Variants in DPYSL3 observed in about 807,000 individuals in gnomAD.
The protein encoded by DPYSL3 is dihydropyrimidinase-related protein 3.
In DPYSL3, 16 loss-of-function variants were observed where a neutral mutation model predicts 66.1. The observed-to-expected ratio is 0.24, with a 90% CI of 0.16 to 0.37. The LOEUF (loss-of-function observed/expected upper bound fraction) is 0.37. DPYSL3 is among the 10% of genes least tolerant of loss of function. DPYSL3 has a pLI of 1.00. For missense variants in DPYSL3, 738 were observed against 916.2 expected (o/e 0.81, Z 2.51); for synonymous variants, 338 against 345.1 (o/e 0.98, Z 0.23).
intron 1 of DPYSL3, among the ~76,000 whole-genome samples, chr5:147,494,907 TAA>T (rs1753477068): frequency 1.3e-5 from 2 of 149,354 alleles, no homozygotes; most frequent in Non-Finnish European, 3.0e-5. Context: ...ATAATAATAA[TAA>T]TAGAATATTA....
chr5:147,499,710 A>G (rs1235909792), intron 1 of DPYSL3, among the ~76,000 whole-genome samples: 1 of 152,214 alleles, frequency 6.6e-6, no homozygotes, highest in Non-Finnish European at 1.5e-5. Context: ...AACTGATTCT[A>G]AACGTCATAT....
chr5:147,435,492 T>C (rs1427126937), intron 1 of DPYSL3, among the ~76,000 whole-genome samples: 2 of 152,192 alleles, frequency 1.3e-5, no homozygotes, highest in East Asian at 1.9e-4. Flanking sequence ...AATGCATCTC[T>C]ATAAGAGATT....
At chr5:147,432,633 A>T (rs1309948859) in intron 1 of DPYSL3, among the ~76,000 whole-genome samples, 3 of 152,222 alleles carry the variant, frequency 2.0e-5, no homozygotes, top group Non-Finnish European at 4.4e-5. Flanking sequence ...GCACTGGACA[A>T]GAGGAGCCCT....
At chr5:147,479,580 A>G (rs531350739) in intron 1 of DPYSL3, among the ~76,000 whole-genome samples, 2 of 152,372 alleles carry the variant, frequency 1.3e-5, no homozygotes, top group Non-Finnish European at 2.9e-5. Flanking sequence ...CAGAGCAACC[A>G]CAGAGCCAAT....
At chr5:147,465,732 C>T (rs1190038084) in intron 1 of DPYSL3, among the ~76,000 whole-genome samples, 12 of 152,208 alleles carry the variant, frequency 7.9e-5, no homozygotes, top group Non-Finnish European at 1.8e-4. Context: ...ACCCAGAGGC[C>T]TGGCCTTCTA....
chr5:147,393,038 A>G lies in DPYSL3; in HGVS notation c.*997T>C, dbSNP rs748222574. On this transcript the variant is annotated 3_prime_UTR_variant, in exon 14 of 14. Transcript: ENST00000343218. ...AAACTGCCTGTAAGAGAGGCCCTTC[A>G]TTCTGCCTCATCTGAGCTAAAATCC... 4 of 152,212 alleles carry G rather than the reference A, an allele frequency of 2.6e-5. No homozygotes were observed. The highest frequency in any genetic ancestry group is 4.4e-5 in the Non-Finnish European group (3 of 68,044). 9.4% of individuals were successfully genotyped at this position (152,212 alleles called of 1,614,324 possible).
Position 147,399,218 on chromosome 5 carries a change from G to A in DPYSL3, c.1487C>T (p.Ala496Val), listed in dbSNP as rs1339911001. 9 of 1,614,134 alleles carry A rather than the reference G, an allele frequency of 5.6e-6. No individual in the cohort carries two copies. Among genetic ancestry groups the A allele is most frequent in the Non-Finnish European group, 7.6e-6 (9 of 1,180,016 alleles). Reference sequence around the variant, plus strand: ...CTTGGCAGCGTTTGTGCTTGTCACAGCCACGAACTGGTTTTCGTCCATTTT... The same window carrying A: ...CTTGGCAGCGTTTGTGCTTGTCACAACCACGAACTGGTTTTCGTCCATTTT... ...TGKMDENQFVAVTSTNAAKIF... is the reference protein window; with the variant it reads ...TGKMDENQFVVVTSTNAAKIF... Residue 496 changes from alanine to valine, a missense_variant, in exon 11 of 14, where the codon GCT (alanine) becomes GTT (valine). Coordinates refer to ENST00000343218, the MANE Select transcript of DPYSL3 (RefSeq NM_001197294.2).
intron 2 of DPYSL3, 31 bp from the exon 3 acceptor site, chr5:147,418,662 A>G: frequency 6.4e-7 from 1 of 1,551,560 alleles, no homozygotes; most frequent in Non-Finnish European, 8.7e-7. Context: ...AAAAATGATC[A>G]AACACTTGGT....
chr5:147,441,367 C>T (rs1229253403), intron 1 of DPYSL3, among the ~76,000 whole-genome samples: 1 of 151,886 alleles, frequency 6.6e-6, no homozygotes, highest in Non-Finnish European at 1.5e-5. Context: ...CTCACATGGT[C>T]TTCCCTCTGT....
intron 1 of DPYSL3, among the ~76,000 whole-genome samples, chr5:147,468,129 T>G (rs1221922526): frequency 1.3e-5 from 2 of 152,186 alleles, no homozygotes. Context: ...TTATAATGCA[T>G]AAAAAGGTGC....
At chr5:147,473,205 A>G (rs1044152884) in intron 1 of DPYSL3, 1 of 152,192 alleles carries the variant, frequency 6.6e-6, no homozygotes, top group African/African-American at 2.4e-5. Context: ...CTTTTTTCAC[A>G]TCAATGTGAG....
chr5:147,504,257 G>A (rs1753654513), intron 1 of DPYSL3, among the ~76,000 whole-genome samples: 1 of 152,198 alleles, frequency 6.6e-6, no homozygotes, highest in Non-Finnish European at 1.5e-5. Flanking sequence ...GCAAAACCCT[G>A]TCTCCAGGGA....
chr5:147,464,981 T>C (rs1752988950), intron 1 of DPYSL3, among the ~76,000 whole-genome samples: 2 of 152,162 alleles, frequency 1.3e-5, no homozygotes, highest in Admixed American at 1.3e-4. Context: ...AGAGAATTGC[T>C]TGAGCCCAGG....
At chr5:147,492,165 A>T (rs1753425770) in intron 1 of DPYSL3, among the ~76,000 whole-genome samples, 1 of 152,158 alleles carries the variant, frequency 6.6e-6, no homozygotes, top group Non-Finnish European at 1.5e-5. Context: ...AATAAAAAAC[A>T]TCAACCTAGA....
chr5:147,434,012 G>C (rs1752366556), intron 1 of DPYSL3, among the ~76,000 whole-genome samples: 1 of 141,720 alleles, frequency 7.1e-6, no homozygotes, highest in African/African-American at 2.7e-5. Context: ...CCTGGTGACA[G>C]AGCAAAACTC....
intron 1 of DPYSL3, among the ~76,000 whole-genome samples, chr5:147,439,782 C>T (rs1752497166): frequency 6.6e-6 from 1 of 152,130 alleles, no homozygotes; most frequent in African/African-American, 2.4e-5. Context: ...GTAGAACCAA[C>T]AAATATGCAC....
At chr5:147,478,147 CATTCCCTTTGT>C (rs1292586229) in intron 1 of DPYSL3, among the ~76,000 whole-genome samples, 1 of 152,230 alleles carries the variant, frequency 6.6e-6, no homozygotes, top group Non-Finnish European at 1.5e-5. Flanking sequence ...GAACTTCACA[CATTCCCTTTGT>C]ATTCATTGGT....
chr5:147,412,627 T>C lies in DPYSL3; in HGVS notation c.944A>G (p.Asn315Ser), dbSNP rs771212935. Reference protein sequence around the residue: ...LGAIAQVHAENGDIIAQEQTR... With the variant: ...LGAIAQVHAESGDIIAQEQTR... ...TGTTACCTGGGCAATGATATCCCCA[T>C]TCTCAGCATGAACTTGAGCAATGGC... The change falls in exon 6 of 14, where the codon AAT (asparagine) becomes AGT (serine). Residue 315 changes from asparagine to serine, a missense_variant. By Grantham distance (46) the Asn-to-Ser change is conservative. Transcript: ENST00000343218. 1 of 1,612,894 alleles carries C rather than the reference T, an allele frequency of 6.2e-7. No homozygotes were observed. The highest frequency in any genetic ancestry group is 8.5e-7 in the Non-Finnish European group (1 of 1,179,528).
chr5:147,444,135 C>A (rs1036070129), intron 1 of DPYSL3, among the ~76,000 whole-genome samples: 13 of 152,130 alleles, frequency 8.5e-5, no homozygotes, highest in Non-Finnish European at 1.6e-4. Flanking sequence ...AAGTTATTAT[C>A]CCTCCGGAGG....
Sources: gnomAD v4.1 joint callset for allele counts (sites outside exome capture counted in the v4.1 genomes callset) on GRCh38, gnomAD v4.1.1 for gene constraint, MANE v1.5 for transcripts, NCBI Gene and HGNC (gene_info 2026-07-23, HGNC 2026-07-21) for gene names.